Variants in ADGRL3 observed in about 807,000 individuals in gnomAD.
The protein encoded by ADGRL3 is adhesion G protein-coupled receptor L3.
ADGRL3 carries 62 observed loss-of-function variants against 153.5 expected under a neutral mutation model. The ratio of observed to expected loss-of-function variants is 0.40; its 90% CI spans 0.33 to 0.50. The LOEUF (loss-of-function observed/expected upper bound fraction) is 0.50. Among genes scored for constraint, ADGRL3 ranks in the 20% least tolerant of loss-of-function variants. The pLI, the probability that ADGRL3 is intolerant of heterozygous loss-of-function variation, is 0.47. For missense variants in ADGRL3, 1,641 were observed against 1,859.4 expected (o/e 0.88, Z 2.16); for synonymous variants, 710 against 672.5 (o/e 1.06, Z -0.86).
intron 25 of ADGRL3, among the ~76,000 whole-genome samples, chr4:62,064,002 T>C (rs1741610258): frequency 6.6e-6 from 1 of 152,116 alleles, no homozygotes; most frequent in Non-Finnish European, 1.5e-5. Flanking sequence ...GAAGACTTGA[T>C]TCAATAGTCT....
chr4:61,501,331 G>C (rs1268258982), intron 3 of ADGRL3, among the ~76,000 whole-genome samples: 1 of 152,116 alleles, frequency 6.6e-6, no homozygotes, highest in Non-Finnish European at 1.5e-5. Flanking sequence ...TCCTTGCAGA[G>C]CTATTTTAAG....
chr4:61,517,318 G>C lies in ADGRL3; in HGVS notation c.59G>C (p.Gly20Ala), dbSNP rs1183187117. The C allele has an allele frequency of 2.8e-6, 2 of 702,850 alleles. No individual in the cohort carries two copies. Among genetic ancestry groups the C allele is most frequent in the South Asian group, 3.0e-5 (2 of 67,582 alleles). 43.5% of individuals were successfully genotyped at this position (702,850 alleles called of 1,614,324 possible). ...GTGCGCCCTGCGGTCCCCGCAGGTG[G>C]CAAGCACAGTGAACGACATCCTGCC... ...MMLLAPIIHG[G>A]KHSERHPALA... is the part of the protein sequence containing the mutation. The change falls in exon 4 of 27, where the codon GGC (glycine) becomes GCC (alanine). Residue 20 changes from glycine (G) to alanine (A), a missense_variant. Coordinates refer to ENST00000683033, the MANE Select transcript of ADGRL3 (RefSeq NM_001387552.1).
At chr4:61,989,611 A>T (rs952610195) in intron 19 of ADGRL3, among the ~76,000 whole-genome samples, 2 of 152,098 alleles carry the variant, frequency 1.3e-5, no homozygotes, top group Non-Finnish European at 2.9e-5. Flanking sequence ...TTGATTGGAC[A>T]TATACAATTA....
intron 5 of ADGRL3, among the ~76,000 whole-genome samples, chr4:61,611,235 A>G (rs918668635): frequency 4.6e-5 from 7 of 152,096 alleles, no homozygotes; most frequent in South Asian, 4.1e-4. Flanking sequence ...AATAGATGAG[A>G]TGCGGAAGAA....
At chr4:61,358,818 C>G (rs1342176969) in intron 1 of ADGRL3, among the ~76,000 whole-genome samples, 3 of 151,956 alleles carry the variant, frequency 2.0e-5, no homozygotes, top group Admixed American at 2.0e-4. Context: ...CCTTGGTAGT[C>G]TCTTCTACTT....
intron 2 of ADGRL3, among the ~76,000 whole-genome samples, chr4:61,444,989 A>G (rs2097566551): frequency 6.6e-6 from 1 of 152,018 alleles, no homozygotes; most frequent in Non-Finnish European, 1.5e-5. Context: ...GAGGTCAAGG[A>G]TGCAGTGAAC....
chr4:61,388,562 A>G (rs1421675942), intron 2 of ADGRL3, among the ~76,000 whole-genome samples: 1 of 152,204 alleles, frequency 6.6e-6, no homozygotes, highest in Non-Finnish European at 1.5e-5. Flanking sequence ...CACATCCATC[A>G]GCATATTCTG....
intron 8 of ADGRL3, among the ~76,000 whole-genome samples, chr4:61,804,921 C>CTTTATTTATTTA (rs377521778): frequency 4.5e-4 from 66 of 147,778 alleles, no homozygotes; most frequent in African/African-American, 1.6e-3. Context: ...TTTCCTGTGC[C>CTTTATTTATTTA]TTTATTTATT....
At chr4:61,334,679 T>C (rs17090434) in intron 1 of ADGRL3, among the ~76,000 whole-genome samples, 3,030 of 152,242 alleles carry the variant, frequency 0.02, 87 homozygotes, top group African/African-American at 0.068. Flanking sequence ...TTTTACTATG[T>C]TAATTGCTTT....
At chr4:61,679,290 C>T (rs1247243585) in intron 6 of ADGRL3, among the ~76,000 whole-genome samples, 1 of 151,920 alleles carries the variant, frequency 6.6e-6, no homozygotes, top group Non-Finnish European at 1.5e-5. Flanking sequence ...GATCTGCCCC[C>T]ATGACACAAA....
chr4:61,903,053 G>T (rs891883355), intron 11 of ADGRL3, among the ~76,000 whole-genome samples: 2 of 152,188 alleles, frequency 1.3e-5, no homozygotes, highest in Non-Finnish European at 2.9e-5. Context: ...ATAAGCGGAT[G>T]GAGATAGCTA....
At chr4:61,268,362 G>C (rs989682278) in intron 1 of ADGRL3, among the ~76,000 whole-genome samples, 8 of 151,518 alleles carry the variant, frequency 5.3e-5, no homozygotes, top group Non-Finnish European at 1.2e-4. Context: ...TTTCTATGTA[G>C]ATGCAAAATG....
intron 13 of ADGRL3, among the ~76,000 whole-genome samples, chr4:61,913,136 G>A (rs1466142651): frequency 6.6e-6 from 1 of 152,060 alleles, no homozygotes; most frequent in African/African-American, 2.4e-5. Context: ...AGTCTTATAA[G>A]ACAACAAGTA....
intron 8 of ADGRL3, among the ~76,000 whole-genome samples, chr4:61,794,085 C>G (rs149740631): frequency 6.6e-6 from 1 of 152,168 alleles, no homozygotes; most frequent in Admixed American, 6.5e-5. Context: ...ATTAACTTTG[C>G]ACAGACATAG....
intron 1 of ADGRL3, among the ~76,000 whole-genome samples, chr4:61,318,517 A>G (rs2095284547): frequency 6.6e-6 from 1 of 152,126 alleles, no homozygotes; most frequent in Non-Finnish European, 1.5e-5. Context: ...GAAGTAGTGT[A>G]ATATCATTAT....
At chr4:61,731,110 T>C (rs562835770) in intron 7 of ADGRL3, among the ~76,000 whole-genome samples, 2 of 152,102 alleles carry the variant, frequency 1.3e-5, no homozygotes, top group Non-Finnish European at 2.9e-5. Context: ...TGGATACTTA[T>C]CCTTTATAAT....
At chr4:61,228,001 T>A (rs796887122) in intron 1 of ADGRL3, among the ~76,000 whole-genome samples, 6 of 152,354 alleles carry the variant, frequency 3.9e-5, no homozygotes, top group African/African-American at 1.4e-4. Flanking sequence ...GGTATTACTA[T>A]TTACATAACT....
At position 61,831,708 on chromosome 4, in the gene ADGRL3, C is replaced by T. The variant is rs554716867; in HGVS notation, c.1480+17819C>T. Among the ~76,000 whole-genome samples the T allele has an allele frequency of 7.0e-4, 106 of 152,166 alleles. No individual in the cohort carries two copies. The Middle Eastern group carries it at 0.017, about 24-fold the overall frequency. ...GGTATCCAGGTTATGGGGGAAGATA[C>T]TTTAATAGCCAACTCAAATAAAATT... On this transcript the variant is annotated intron_variant, in intron 9 of 26. Coordinates refer to ENST00000683033, the MANE Select transcript of ADGRL3 (RefSeq NM_001387552.1).
At chr4:61,472,960 GGAATCT>G (rs2097982575) in intron 2 of ADGRL3, among the ~76,000 whole-genome samples, 4 of 152,040 alleles carry the variant, frequency 2.6e-5, no homozygotes. Flanking sequence ...TAGGAGCCAA[GGAATCT>G]GATTGAATGT....
Sources: gnomAD v4.1 joint callset for allele counts (sites outside exome capture counted in the v4.1 genomes callset) on GRCh38, gnomAD v4.1.1 for gene constraint, MANE v1.5 for transcripts, NCBI Gene and HGNC (gene_info 2026-07-23, HGNC 2026-07-21) for gene names.